The following RECK variants were observed in gnomAD, a reference collection of about 807,000 sequenced individuals.
The protein encoded by RECK is reversion inducing cysteine rich protein with kazal motifs.
In RECK, 69 loss-of-function variants were observed where a neutral mutation model predicts 115.1. The observed-to-expected ratio is 0.60, with a 90% confidence interval of 0.49 to 0.73. The LOEUF (loss-of-function observed/expected upper bound fraction) is 0.73. Ranked by LOEUF, RECK falls within the 30% of genes least tolerant of loss-of-function variation. The pLI, the probability that RECK is intolerant of heterozygous loss-of-function variation, is 0.00. For synonymous variants in RECK, 414 were observed against 419.7 expected (o/e 0.99, Z 0.17); for missense variants, 1,047 against 1,203.7 (o/e 0.87, Z 1.93).
intron 10 of RECK, among the ~76,000 whole-genome samples, chr9:36,093,598 A>G (rs1031966676): frequency 6.6e-6 from 1 of 152,194 alleles, no homozygotes; most frequent in Non-Finnish European, 1.5e-5. Context: ...AATAGAAACT[A>G]TCTAAACCAA....
chr9:36,048,828 T>G (rs1821174422), intron 1 of RECK, among the ~76,000 whole-genome samples: 1 of 152,150 alleles, frequency 6.6e-6, no homozygotes, highest in African/African-American at 2.4e-5. Context: ...TGTAATTCAG[T>G]TCTGCCACCC....
intron 12 of RECK, among the ~76,000 whole-genome samples, chr9:36,104,429 T>G (rs2132656388): frequency 7.1e-6 from 1 of 141,066 alleles, no homozygotes; most frequent in Non-Finnish European, 1.5e-5. Context: ...CATTGCAGCC[T>G]CTGCTTCCCA....
chr9:36,099,858 G>A (rs113765599), intron 10 of RECK, among the ~76,000 whole-genome samples: 2,423 of 152,222 alleles, frequency 0.016, 54 homozygotes, highest in African/African-American at 0.054. Context: ...TCAGTAGGGA[G>A]GCATTAACTC....
At chr9:36,119,656 T>A (rs1488352907) in intron 18 of RECK, among the ~76,000 whole-genome samples, 1 of 152,164 alleles carries the variant, frequency 6.6e-6, no homozygotes, top group Non-Finnish European at 1.5e-5. Context: ...GACGCTCCTC[T>A]AAGCACTGGG....
At position 36,108,152 on chromosome 9, in the gene RECK, G is replaced by A. The variant is rs1343963829; in HGVS notation, c.1753G>A (p.Gly585Arg). The change falls in exon 14 of 21, where the codon GGA becomes AGA. Residue 585 changes from glycine to arginine, a missense_variant. Gly to Arg is a moderately radical substitution (Grantham distance 125). Transcript: ENST00000377966. ...IDLQKSCIVG[G>R]KRKSHGTSFS... The stretch of plus-strand genomic sequence containing the variant: ...CCTCCAGAAGTCTTGTATTGTTGGA[G>A]GAAAAAGAAAAAGTGAGTCTTAAGC... 6.3e-7 allele frequency: 1 copy of A among 1,579,060 alleles called. No individual in the cohort carries two copies. The highest frequency in any genetic ancestry group is 2.0e-5 in the Admixed American group (1 of 49,112).
intron 2 of RECK, among the ~76,000 whole-genome samples, chr9:36,056,468 A>G (rs1347217556): frequency 3.3e-5 from 5 of 152,134 alleles, no homozygotes; most frequent in Non-Finnish European, 7.4e-5. Context: ...TGTCCTATAG[A>G]GTTTCCCATA....
At position 36,083,373 on chromosome 9, in the gene RECK, G is replaced by A. The variant is rs771798114; in HGVS notation, c.448G>A (p.Val150Ile). ...SCISRNEMGSVCCSYAGHHTN... is the reference protein window; with the variant it reads ...SCISRNEMGSICCSYAGHHTN... ...TCTTTTTTTCTCCATAGTGGGCTCG[G>A]TTTGTTGCAGTTATGCAGGTCATCA... Residue 150 changes from valine to isoleucine, a missense_variant, in exon 8 of 21, where the codon GTT becomes ATT. Transcript: ENST00000377966. The A allele has an allele frequency of 6.2e-6, 10 of 1,613,822 alleles. No individual in the cohort carries two copies. In the South Asian group the frequency reaches 6.6e-5, roughly 11 times the overall value.
chr9:36,060,197 A>G, intron 4 of RECK, 42 bp downstream of exon 4: 1 of 1,582,028 alleles, frequency 6.3e-7, no homozygotes, highest in Non-Finnish European at 8.7e-7. Context: ...AATTTTAAAA[A>G]CTTACTGTGT....
chr9:36,087,293 A>G (rs7871633), intron 8 of RECK, among the ~76,000 whole-genome samples: 83,208 of 152,022 alleles, frequency 0.55, 23,136 homozygotes, highest in East Asian at 0.79. Flanking sequence ...CATCTACACC[A>G]TGGAATACTA....
intron 10 of RECK, among the ~76,000 whole-genome samples, chr9:36,099,883 G>A (rs12346749): frequency 2.0e-5 from 3 of 152,106 alleles, no homozygotes; most frequent in African/African-American, 7.2e-5. Flanking sequence ...GTGGCACAAG[G>A]GAACTGGCTG....
intron 10 of RECK, among the ~76,000 whole-genome samples, chr9:36,096,979 A>G (rs1002212989): frequency 5.9e-5 from 9 of 152,150 alleles, no homozygotes; most frequent in South Asian, 2.1e-4. Flanking sequence ...CAGACTACAT[A>G]AATAACTCCT....
At chr9:36,063,973 G>T in intron 5 of RECK, 93 bp downstream of exon 5, 1 of 1,223,350 alleles carries the variant, frequency 8.2e-7, no homozygotes, top group Non-Finnish European at 1.2e-6. Flanking sequence ...TCCTAGCTTT[G>T]CAGAGGTAAC....
At chr9:36,099,656 T>G (rs943112693) in intron 10 of RECK, among the ~76,000 whole-genome samples, 3 of 150,260 alleles carry the variant, frequency 2.0e-5, no homozygotes, top group Non-Finnish European at 4.4e-5. Flanking sequence ...TTTGTTTTTG[T>G]TTTTTTTTAG....
chr9:36,048,126 AATATATATATATATATATATAT>A (rs56726335), intron 1 of RECK, among the ~76,000 whole-genome samples: 4 of 115,406 alleles, frequency 3.5e-5, no homozygotes, highest in South Asian at 2.9e-4. Context: ...ACACAGGTTG[AATATATATATATATATATATAT>A]ATATATATAT....
Position 36,073,223 on chromosome 9 carries a change from CACACACAGACACACACAG to C in RECK, c.406-7374_406-7357del, listed in dbSNP as rs1190719307. ...CCACCCCTAAACAGCAACACACAGACACACACAGACACACACAGACACACACACACACACACACACACA... is the reference window on the plus strand; with the variant it reads ...CCACCCCTAAACAGCAACACACAGACACACACACACACACACACACACACA... On this transcript the variant is annotated intron_variant, in intron 6 of 20. Transcript: ENST00000377966. Among the ~76,000 whole-genome samples the C allele has an allele frequency of 3.3e-4, 46 of 140,518 alleles. No individual in the cohort carries two copies. In the East Asian group the frequency reaches 7.2e-3, roughly 22 times the overall value. The allele number at this position is 140,518 out of a possible 152,430, so 92.2% of individuals were successfully genotyped here.
intron 8 of RECK, chr9:36,085,677 A>C (rs1398944700): frequency 6.6e-6 from 1 of 152,006 alleles, no homozygotes; most frequent in East Asian, 1.9e-4. Flanking sequence ...TCATCACTTC[A>C]CTGCACTCCA....
intron 16 of RECK, among the ~76,000 whole-genome samples, chr9:36,113,132 C>T (rs1824127342): frequency 6.6e-6 from 1 of 152,174 alleles, no homozygotes. Context: ...GACAGTTGCC[C>T]CAGCCTTAAT....
chr9:36,101,100 G>T (rs542880309), intron 11 of RECK, among the ~76,000 whole-genome samples: 7 of 152,118 alleles, frequency 4.6e-5, no homozygotes, highest in African/African-American at 1.7e-4. Flanking sequence ...CCGAGTAGCT[G>T]GGACTACACG....
chr9:36,081,863 A>G (rs985005546), intron 7 of RECK, among the ~76,000 whole-genome samples: 9 of 151,670 alleles, frequency 5.9e-5, no homozygotes, highest in African/African-American at 1.9e-4. Flanking sequence ...GTTCTTTGTG[A>G]AGAAAATGAA....
Sources: gnomAD v4.1 joint callset for allele counts (sites outside exome capture counted in the v4.1 genomes callset) on GRCh38, gnomAD v4.1.1 for gene constraint, MANE v1.5 for transcripts, NCBI Gene and HGNC (gene_info 2026-07-23, HGNC 2026-07-21) for gene names.